The following RBFOX1 variants were observed in gnomAD, a reference collection of about 807,000 sequenced individuals.
RBFOX1 encodes the protein RNA binding fox-1 homolog 1.
In RBFOX1, 8 loss-of-function variants were observed where a neutral mutation model predicts 57.7. The ratio of observed to expected loss-of-function variants is 0.14; its 90% confidence interval spans 0.08 to 0.25. The LOEUF (loss-of-function observed/expected upper bound fraction) is 0.25, where lower values mean the gene tolerates loss of function less well. RBFOX1 is among the 10% of genes least tolerant of loss of function. RBFOX1 has a pLI of 1.00. For missense variants in RBFOX1, 611 were observed against 548.5 expected (o/e 1.11, Z -1.14); for synonymous variants, 326 against 222.4 (o/e 1.47, Z -4.15).
chr16:5,343,523 G>C (rs1018179349), intron 1 of RBFOX1, among the ~76,000 whole-genome samples: 9 of 151,072 alleles, frequency 6.0e-5, no homozygotes, highest in African/African-American at 2.2e-4. Flanking sequence ...GGGTTTCACC[G>C]TGTTACCCAG....
chr16:6,493,202 T>C (rs962235505), intron 2 of RBFOX1, among the ~76,000 whole-genome samples: 1 of 152,172 alleles, frequency 6.6e-6, no homozygotes, highest in African/African-American at 2.4e-5. Flanking sequence ...GAAAATATAT[T>C]TGAGCCTTAG....
chr16:7,473,738 C>G (rs149637253), intron 4 of RBFOX1, among the ~76,000 whole-genome samples: 171 of 152,102 alleles, frequency 1.1e-3, no homozygotes, highest in African/African-American at 3.9e-3. Flanking sequence ...AGTATGCTCC[C>G]TCCCCAACCT....
At chr16:6,623,840 A>G (rs2154048029) in intron 2 of RBFOX1, among the ~76,000 whole-genome samples, 2 of 152,228 alleles carry the variant, frequency 1.3e-5, no homozygotes, top group East Asian at 1.9e-4. Flanking sequence ...AATCCAGTCT[A>G]TCATTGTTGG....
intron 2 of RBFOX1, among the ~76,000 whole-genome samples, chr16:5,539,322 A>G (rs924809646): frequency 2.7e-5 from 4 of 150,640 alleles, no homozygotes; most frequent in Non-Finnish European, 3.0e-5. Context: ...GCCAGCTATG[A>G]TGGCTCACGC....
intron 2 of RBFOX1, among the ~76,000 whole-genome samples, chr16:5,518,393 T>C (rs889519256): frequency 2.0e-5 from 3 of 152,166 alleles, no homozygotes; most frequent in African/African-American, 7.2e-5. Context: ...ATCACTGATG[T>C]GTCAAGATCC....
intron 4 of RBFOX1, among the ~76,000 whole-genome samples, chr16:7,053,151 G>A (rs551259534): frequency 6.6e-6 from 1 of 152,294 alleles, no homozygotes; most frequent in African/African-American, 2.4e-5. Flanking sequence ...CCATTTCACA[G>A]TTGCTGTTGG....
At chr16:7,225,357 A>T (rs2093027852) in intron 4 of RBFOX1, among the ~76,000 whole-genome samples, 1 of 152,040 alleles carries the variant, frequency 6.6e-6, no homozygotes, top group Non-Finnish European at 1.5e-5. Context: ...TCATGGTAGT[A>T]AGTTTCATGA....
chr16:6,290,563 T>C (rs1180321766), intron 1 of RBFOX1, among the ~76,000 whole-genome samples: 1 of 151,862 alleles, frequency 6.6e-6, no homozygotes, highest in Non-Finnish European at 1.5e-5. Context: ...GAGGGTTAGA[T>C]AATTGTATGT....
At chr16:6,248,814 A>G (rs534684683) in intron 1 of RBFOX1, among the ~76,000 whole-genome samples, 2 of 152,264 alleles carry the variant, frequency 1.3e-5, no homozygotes, top group South Asian at 4.1e-4. Flanking sequence ...CTTCGCATCC[A>G]TAGCCACATG....
At chr16:6,725,287 G>T (rs1397228392) in intron 3 of RBFOX1, among the ~76,000 whole-genome samples, 2 of 151,764 alleles carry the variant, frequency 1.3e-5, no homozygotes, top group African/African-American at 4.8e-5. Flanking sequence ...TCCTGACCTC[G>T]TGATCCACCC....
chr16:6,040,101 G>A (rs909592261), intron 1 of RBFOX1, among the ~76,000 whole-genome samples: 2 of 152,196 alleles, frequency 1.3e-5, no homozygotes, highest in African/African-American at 2.4e-5. Context: ...TACAATTCAT[G>A]AACACACGTT....
At chr16:7,222,878 GT>G (rs2092832143) in intron 4 of RBFOX1, among the ~76,000 whole-genome samples, 1 of 152,184 alleles carries the variant, frequency 6.6e-6, no homozygotes, top group Non-Finnish European at 1.5e-5. Context: ...TAAAGAGTGT[GT>G]TTTTGTCCAA....
chr16:6,303,993 G>A (rs1479096267), intron 1 of RBFOX1, among the ~76,000 whole-genome samples: 1 of 150,982 alleles, frequency 6.6e-6, no homozygotes, highest in Non-Finnish European at 1.5e-5. Flanking sequence ...TGTATTTTTA[G>A]TAGAATCGGG....
intron 2 of RBFOX1, among the ~76,000 whole-genome samples, chr16:6,398,709 C>A (rs2092942017): frequency 6.6e-6 from 1 of 152,226 alleles, no homozygotes; most frequent in Admixed American, 6.5e-5. Context: ...TGCCCCTATG[C>A]CTTTGTGGGG....
At chr16:6,603,011 T>G (rs1176047080) in intron 2 of RBFOX1, among the ~76,000 whole-genome samples, 1 of 152,200 alleles carries the variant, frequency 6.6e-6, no homozygotes, top group African/African-American at 2.4e-5. Context: ...AAAAAGAAGT[T>G]TCCCAATTTT....
intron 3 of RBFOX1, among the ~76,000 whole-genome samples, chr16:6,917,306 G>A (rs1364602718): frequency 6.6e-6 from 1 of 152,188 alleles, no homozygotes; most frequent in East Asian, 1.9e-4. Flanking sequence ...ACTGAACAGA[G>A]GATGTCACAG....
At chr16:6,127,410 G>C (rs1423984582) in intron 1 of RBFOX1, among the ~76,000 whole-genome samples, 1 of 151,862 alleles carries the variant, frequency 6.6e-6, no homozygotes, top group East Asian at 1.9e-4. Context: ...TTTAATTCAA[G>C]AAATGTTTGA....
rs553192275 is a variant in RBFOX1 at position 7,597,443 on chromosome 16, T to C, written c.622+12T>C. On this transcript the variant is annotated intron_variant, in intron 9 of 15. Transcript: ENST00000550418. ...CCCTTATACAAATGGTAAGTAGAGA[T>C]TGGCCTTTTACAAGAAATTCTCTCT... 2.3e-5 allele frequency: 36 copies of C among 1,588,808 alleles called. No individual in the cohort carries two copies. Among genetic ancestry groups the C allele is most frequent in the East Asian group, 4.5e-5 (2 of 44,542 alleles).
chr16:6,790,261 T>C (rs191600428), intron 3 of RBFOX1, among the ~76,000 whole-genome samples: 3 of 151,748 alleles, frequency 2.0e-5, no homozygotes, highest in Non-Finnish European at 2.9e-5. Context: ...TTTAGCTTAG[T>C]GCAACCTCTG....
Sources: gnomAD v4.1 joint callset for allele counts (sites outside exome capture counted in the v4.1 genomes callset) on GRCh38, gnomAD v4.1.1 for gene constraint, MANE v1.5 for transcripts, NCBI Gene and HGNC (gene_info 2026-07-23, HGNC 2026-07-21) for gene names.